Variants in POLR2F observed in about 807,000 individuals in gnomAD.
POLR2F encodes the protein DNA-directed RNA polymerases I, II, and III subunit RPABC2.
Under a neutral mutation model 22.7 loss-of-function variants are expected in POLR2F, and 12 were observed. The ratio of observed to expected loss-of-function variants is 0.53; its 90% CI spans 0.34 to 0.86. The LOEUF (loss-of-function observed/expected upper bound fraction) is 0.86. POLR2F is among the 40% of genes least tolerant of loss of function. The pLI is 0.02. For missense variants in POLR2F, 126 were observed against 171.5 expected (o/e 0.73, Z 1.48); for synonymous variants, 57 against 66.0 (o/e 0.86, Z 0.66).
chr22:37,982,055 G>A (rs150988868), upstream of POLR2F, among the ~76,000 whole-genome samples: 8 of 152,310 alleles, frequency 5.3e-5, no homozygotes, highest in Admixed American at 2.0e-4. Context: ...GGAGGGCAGC[G>A]GAAGAGAGCC....
downstream of POLR2F, among the ~76,000 whole-genome samples, chr22:38,027,783 C>T (rs6000978): frequency 1.2e-4 from 19 of 152,322 alleles, no homozygotes; most frequent in East Asian, 7.7e-4. Flanking sequence ...TTCCCCAGCA[C>T]CCAGCACAGT....
At chr22:37,994,949 A>G (rs535486081) in intron 1 of POLR2F, among the ~76,000 whole-genome samples, 1 of 152,304 alleles carries the variant, frequency 6.6e-6, no homozygotes, top group Admixed American at 6.5e-5. Flanking sequence ...CAGGTGTTTT[A>G]TATTTACCTC....
upstream of POLR2F, chr22:37,983,729 T>C (rs1334869588): frequency 2.0e-6 from 3 of 1,485,692 alleles, no homozygotes; most frequent in Non-Finnish European, 2.7e-6. The surrounding 1 kb of genome is among the most constrained non-coding windows in gnomAD (Gnocchi z 9.5). Context: ...GCAGCGGGGC[T>C]CCTCCGAGCC....
At chr22:38,014,220 A>G (rs1242045360) in intron 1 of POLR2F, among the ~76,000 whole-genome samples, 1 of 151,720 alleles carries the variant, frequency 6.6e-6, no homozygotes, top group African/African-American at 2.4e-5. Flanking sequence ...GATGTTTTGT[A>G]GATTACTTAG....
At chr22:37,958,617 A>C (rs1360542877) in intron 2 of POLR2F, 2 of 152,146 alleles carry the variant, frequency 1.3e-5, no homozygotes, top group Non-Finnish European at 2.9e-5. Context: ...ATGCCTTTGC[A>C]TGTTGCCTCC....
At chr22:38,015,635 G>A (rs1197869324) in intron 1 of POLR2F, among the ~76,000 whole-genome samples, 1 of 152,150 alleles carries the variant, frequency 6.6e-6, no homozygotes, top group Non-Finnish European at 1.5e-5. Context: ...TGTAAATGCA[G>A]CTATGTGACC....
chr22:38,024,135 C>T (rs531988586), intron 1 of POLR2F, among the ~76,000 whole-genome samples: 36 of 152,228 alleles, frequency 2.4e-4, no homozygotes, highest in African/African-American at 3.4e-4. Flanking sequence ...TGAGCCACAG[C>T]GCCTGGCCCT....
intron 1 of POLR2F, among the ~76,000 whole-genome samples, chr22:37,993,762 G>A (rs1293424929): frequency 1.3e-5 from 2 of 152,196 alleles, no homozygotes; most frequent in African/African-American, 2.4e-5. Context: ...GGCCGAGGCA[G>A]GTGGATCACG....
At chr22:38,012,469 G>A (rs908070455) in intron 1 of POLR2F, among the ~76,000 whole-genome samples, 1 of 152,150 alleles carries the variant, frequency 6.6e-6, no homozygotes, top group Admixed American at 6.5e-5. Flanking sequence ...CCTTTACCCA[G>A]CTTCCTCTAT....
upstream of POLR2F, among the ~76,000 whole-genome samples, chr22:37,982,775 A>C (rs1932440766): frequency 6.6e-6 from 1 of 152,114 alleles, no homozygotes; most frequent in Admixed American, 6.5e-5. Context: ...CCCAACTCAA[A>C]GGAGGGTGGC....
chr22:37,985,950 C>T (rs1169569264), upstream of POLR2F, among the ~76,000 whole-genome samples: 7 of 152,016 alleles, frequency 4.6e-5, no homozygotes, highest in Admixed American at 2.0e-4. Context: ...CTCTTTCTCT[C>T]GCTTGCTGGC....
chr22:37,959,088 T>G (rs1931518941), intron 2 of POLR2F, among the ~76,000 whole-genome samples: 1 of 152,174 alleles, frequency 6.6e-6, no homozygotes, highest in Non-Finnish European at 1.5e-5. Context: ...CTCTGGAATC[T>G]CAGACCTCCA....
intron 1 of POLR2F, among the ~76,000 whole-genome samples, chr22:38,009,068 C>T (rs2084849291): frequency 6.6e-6 from 1 of 152,078 alleles, no homozygotes. Flanking sequence ...ACATTCCAGA[C>T]AGAAGGAACA....
At chr22:37,959,627 A>G (rs1931545709) in intron 3 of POLR2F, 151 bp downstream of exon 3, 1 of 802,728 alleles carries the variant, frequency 1.2e-6, no homozygotes, top group Admixed American at 2.7e-5. Flanking sequence ...GCATTGAGCT[A>G]GTCCCCTGCC....
At chr22:38,040,921 G>C in intron 5 of POLR2F, 1 of 1,284,514 alleles carries the variant, frequency 7.8e-7, no homozygotes, top group Non-Finnish European at 1.1e-6. Context: ...CCCTGGACAG[G>C]AGTGGTCAAG....
chr22:37,982,899 T>C (rs2145776177), upstream of POLR2F, among the ~76,000 whole-genome samples: 1 of 152,336 alleles, frequency 6.6e-6, no homozygotes, highest in African/African-American at 2.4e-5. Context: ...AATTCCGTTT[T>C]CTTTAAACCT....
upstream of POLR2F, among the ~76,000 whole-genome samples, chr22:37,981,311 C>G (rs1341883531): frequency 1.3e-5 from 2 of 152,224 alleles, no homozygotes; most frequent in Non-Finnish European, 2.9e-5. Context: ...CTCAGGACCC[C>G]CCTCCAGGGT....
downstream of POLR2F, chr22:37,972,207 T>C (rs1431655638): frequency 5.5e-6 from 7 of 1,283,138 alleles, no homozygotes; most frequent in Non-Finnish European, 7.2e-6. Context: ...TTTGATGATC[T>C]ATCCTTTGCA....
chr22:38,005,694 A>C (rs1323777128), intron 1 of POLR2F, among the ~76,000 whole-genome samples: 1 of 152,214 alleles, frequency 6.6e-6, no homozygotes, highest in African/African-American at 2.4e-5. Flanking sequence ...TAATCACCTA[A>C]AATGACAAGA....
Sources: allele counts gnomAD v4.1 joint callset (sites outside exome capture counted in the v4.1 genomes callset), GRCh38; gene constraint gnomAD v4.1.1; non-coding constraint Gnocchi (gnomAD v3.1); transcripts MANE v1.5; gene names NCBI Gene and HGNC (gene_info 2026-07-23, HGNC 2026-07-21).